ARL13B: variants seen among roughly 807,000 people sequenced by gnomAD.
ARL13B encodes the protein ARF like GTPase 13B.
A neutral mutation model predicts 56.1 loss-of-function variants in ARL13B; 36 were observed. The ratio of observed to expected loss-of-function variants is 0.64; its 90% CI spans 0.49 to 0.85. The LOEUF (loss-of-function observed/expected upper bound fraction) is 0.85, where lower values mean the gene tolerates loss of function less well. Ranked by LOEUF, ARL13B falls within the 40% of genes least tolerant of loss-of-function variation. ARL13B has a pLI of 0.00. For synonymous variants in ARL13B, 178 were observed against 171.1 expected, an observed-to-expected ratio of 1.04 and a Z score of -0.32; for missense variants, 519 against 507.1, an observed-to-expected ratio of 1.02 and a Z score of -0.23.
chr3:94,050,871 C>T lies in ARL13B; in HGVS notation c.1189C>T (p.Leu397Phe), dbSNP rs1421443822. Residue 397 changes from leucine to phenylalanine, a missense_variant, in exon 9 of 10, where the codon CTT (leucine) becomes TTT (phenylalanine). By Grantham distance (22) the Leu-to-Phe change is conservative. Transcript: ENST00000394222. ...KVTRLPKLEP[L>F]GETHHNDFYR... ...CACTAGACTTCCAAAACTTGAGCCTCTTGGTGAAACACATCATAATGGTAA... is the reference window on the plus strand; with the variant it reads ...CACTAGACTTCCAAAACTTGAGCCTTTTGGTGAAACACATCATAATGGTAA... 1.9e-6 allele frequency: 3 copies of T among 1,613,094 alleles called. No homozygotes were observed. The highest frequency in any genetic ancestry group is 2.5e-6 in the Non-Finnish European group (3 of 1,179,734).
chr3:94,030,716 G>A (rs559653346), intron 3 of ARL13B, among the ~76,000 whole-genome samples: 17 of 152,166 alleles, frequency 1.1e-4, no homozygotes, highest in Middle Eastern at 6.8e-3. Flanking sequence ...GGGATATAGC[G>A]TAGAGACAAA....
chr3:94,018,158 AG>A (rs1465636742), intron 3 of ARL13B, among the ~76,000 whole-genome samples: 1 of 151,928 alleles, frequency 6.6e-6, no homozygotes, highest in Non-Finnish European at 1.5e-5. Context: ...TTGTCCTCCC[AG>A]AGTGCTAAGA....
intron 3 of ARL13B, among the ~76,000 whole-genome samples, chr3:94,033,382 A>AT (rs112776835): frequency 0.046 from 6,859 of 148,432 alleles, 496 homozygotes; most frequent in African/African-American, 0.16. Context: ...AATTTATAGG[A>AT]TTTTTTTTTT....
At chr3:94,020,188 C>T (rs1011961191) in intron 3 of ARL13B, among the ~76,000 whole-genome samples, 18 of 152,222 alleles carry the variant, frequency 1.2e-4, no homozygotes, top group African/African-American at 4.3e-4. Context: ...TCTTTCCCAG[C>T]ACCTTGATGA....
intron 3 of ARL13B, among the ~76,000 whole-genome samples, chr3:94,031,871 C>T (rs1389844100): frequency 1.3e-5 from 2 of 152,008 alleles, no homozygotes; most frequent in Non-Finnish European, 2.9e-5. Flanking sequence ...AATTCAATTG[C>T]CATATGCAGA....
intron 3 of ARL13B, among the ~76,000 whole-genome samples, chr3:94,012,088 T>G (rs1020536286): frequency 7.3e-4 from 111 of 152,280 alleles, no homozygotes; most frequent in African/African-American, 2.6e-3. Flanking sequence ...TTCAGTTAGT[T>G]TCTTTTATTA....
chr3:93,991,146 C>A (rs2075868120), intron 1 of ARL13B, among the ~76,000 whole-genome samples: 1 of 152,088 alleles, frequency 6.6e-6, no homozygotes, highest in Non-Finnish European at 1.5e-5. Context: ...TACCATCTGA[C>A]CAAATGATTA....
intron 3 of ARL13B, chr3:94,014,619 C>G: frequency 3.1e-6 from 5 of 1,613,404 alleles, no homozygotes; most frequent in Non-Finnish European, 4.2e-6. Context: ...TAACAAGTTC[C>G]TTGTGTCTCT....
chr3:93,984,215 G>A (rs2107320733), intron 1 of ARL13B, among the ~76,000 whole-genome samples: 1 of 152,262 alleles, frequency 6.6e-6, no homozygotes, highest in South Asian at 2.1e-4. Context: ...AATTAGCTGG[G>A]TGTGGTGGTG....
intron 1 of ARL13B, among the ~76,000 whole-genome samples, chr3:93,987,541 G>GT (rs1167259457): frequency 6.6e-6 from 1 of 151,986 alleles, no homozygotes; most frequent in Non-Finnish European, 1.5e-5. Flanking sequence ...AATTATTTCA[G>GT]TTTTTTCTTT....
intron 3 of ARL13B, among the ~76,000 whole-genome samples, chr3:94,022,965 T>G (rs2076481211): frequency 6.6e-6 from 1 of 151,986 alleles, no homozygotes; most frequent in East Asian, 1.9e-4. Context: ...ATATATATAT[T>G]TTTATTTCAT....
At chr3:94,003,612 C>T in intron 2 of ARL13B, 47 bp from the exon 3 acceptor site, 1 of 1,594,752 alleles carries the variant, frequency 6.3e-7, no homozygotes, top group Admixed American at 1.7e-5. Context: ...TTAACGTTGT[C>T]AATTAAAGTC....
At chr3:94,011,534 A>G (rs2076224711) in intron 3 of ARL13B, among the ~76,000 whole-genome samples, 1 of 152,042 alleles carries the variant, frequency 6.6e-6, no homozygotes, top group Non-Finnish European at 1.5e-5. Context: ...CCACTACCAC[A>G]TTTACTCAAC....
At chr3:94,018,769 T>C (rs1474438209) in intron 3 of ARL13B, among the ~76,000 whole-genome samples, 1 of 152,078 alleles carries the variant, frequency 6.6e-6, no homozygotes, top group Non-Finnish European at 1.5e-5. Flanking sequence ...AGAAGTCTTT[T>C]TTTGTTTGTT....
At chr3:94,040,055 G>T in intron 6 of ARL13B, 67 bp downstream of exon 6, 1 of 1,349,898 alleles carries the variant, frequency 7.4e-7, no homozygotes, top group Admixed American at 1.9e-5. Context: ...AAAGAAGGTG[G>T]AAAGTTGGGA....
Position 94,003,727 on chromosome 3 carries a change from G to A in ARL13B, c.199G>A (p.Val67Ile). The A allele has an allele frequency of 6.2e-7, 1 of 1,613,684 alleles. No homozygotes were observed. Among genetic ancestry groups the A allele is most frequent in the Non-Finnish European group, 8.5e-7 (1 of 1,179,702 alleles). The change falls in exon 3 of 10, where the codon GTC (valine) becomes ATC (isoleucine). Residue 67 changes from valine to isoleucine, a missense_variant. Coordinates refer to ENST00000394222, the MANE Select transcript of ARL13B (RefSeq NM_001174150.2). ...KINLRQGKFE[V>I]TIFDLGGGIR... is the part of the protein sequence containing the mutation. ...TAACCTTAGACAAGGAAAGTTTGAA[G>A]TCACCATCTTTGACTTGGGAGGTGG...
chr3:94,027,099 GT>G (rs1382439409), intron 3 of ARL13B, among the ~76,000 whole-genome samples: 1 of 151,884 alleles, frequency 6.6e-6, no homozygotes, highest in East Asian at 1.9e-4. Context: ...TCTTTTCATA[GT>G]TACTGTAATG....
Position 94,049,481 on chromosome 3 carries a change from G to C in ARL13B, c.1100G>C (p.Cys367Ser). 1 of 1,611,324 alleles carries C rather than the reference G, an allele frequency of 6.2e-7. No homozygotes were observed. Among genetic ancestry groups the C allele is most frequent in the Non-Finnish European group, 8.5e-7 (1 of 1,178,968 alleles). The change falls in exon 8 of 10, where the codon TGT (cysteine) becomes TCT (serine). Residue 367 changes from cysteine (C) to serine (S), a missense_variant. Physicochemically the swap from Cys to Ser is moderately radical, Grantham distance 112 (BLOSUM62 -1). Transcript: ENST00000394222. ...HRVEPLNIDD[C>S]APESPTPPPP... ...GTAGAACCACTTAATATAGATGACT[G>C]TGCTCCTGAGAGTCCAACGCCACCC...
chr3:94,029,514 A>C (rs182360551), intron 3 of ARL13B, among the ~76,000 whole-genome samples: 1 of 150,782 alleles, frequency 6.6e-6, no homozygotes, highest in Non-Finnish European at 1.5e-5. Context: ...CGCCCAGCTA[A>C]TTTTTTTGTA....
Sources: gnomAD v4.1 joint callset for allele counts (sites outside exome capture counted in the v4.1 genomes callset) on GRCh38, gnomAD v4.1.1 for gene constraint, MANE v1.5 for transcripts, NCBI Gene and HGNC (gene_info 2026-07-23, HGNC 2026-07-21) for gene names.